Variants in PIGN observed in about 807,000 individuals in gnomAD.
PIGN encodes phosphatidylinositol glycan anchor biosynthesis class N, also known as GPI ethanolamine phosphate transferase 1.
In PIGN, 117 loss-of-function variants were observed where a neutral mutation model predicts 125.4. The ratio of observed to expected loss-of-function variants is 0.93; its 90% CI spans 0.80 to 1.09. The LOEUF (loss-of-function observed/expected upper bound fraction) is 1.09, where lower values mean the gene tolerates loss of function less well. Among genes scored for constraint, PIGN ranks in the 50% least tolerant of loss-of-function variants. The pLI is 0.00. For synonymous variants in PIGN, 392 were observed against 377.8 expected, an observed-to-expected ratio of 1.04 and a Z score of -0.44; for missense variants, 1,075 against 1,094.9, an observed-to-expected ratio of 0.98 and a Z score of 0.26.
At chr18:62,099,992 G>A (rs1472890327) in intron 22 of PIGN, among the ~76,000 whole-genome samples, 1 of 152,148 alleles carries the variant, frequency 6.6e-6, no homozygotes, top group Non-Finnish European at 1.5e-5. Flanking sequence ...AAAAGCTTCT[G>A]CATAGCAAAG....
chr18:62,143,457 C>A (rs1303580337), intron 10 of PIGN, 111 bp from the exon 11 acceptor site: 2 of 623,304 alleles, frequency 3.2e-6, no homozygotes, highest in Non-Finnish European at 5.7e-6. Context: ...TTAGAAATGT[C>A]TATTTTAAGC....
intron 23 of PIGN, among the ~76,000 whole-genome samples, chr18:62,031,796 T>G (rs1189489657): frequency 6.6e-6 from 1 of 152,170 alleles, no homozygotes; most frequent in Non-Finnish European, 1.5e-5. Flanking sequence ...ATCAGAGAAG[T>G]GAAAAATTTA....
rs11437076 is a variant in PIGN at position 62,072,729 on chromosome 18, TAA to T, written c.2620-6_2620-5del. On this transcript the variant is annotated splice_polypyrimidine_tract_variant and splice_region_variant and intron_variant, in intron 29 of 30. Transcript: ENST00000640252. ...CCTTGACCAAGAAGAAAAAATGCTG[TAA>T]AAAAAAAAAAAGGCTTAATGAAAAA... 1.5e-3 allele frequency: 2,151 copies of T among 1,405,862 alleles called. No homozygotes were observed. The highest frequency in any genetic ancestry group is 2.5e-3 in the South Asian group (182 of 74,088). The allele number at this position is 1,405,862 out of a possible 1,614,324, so 87.1% of individuals were successfully genotyped here. A position where few individuals can be genotyped will look rare whatever the true frequency, so the allele number is the denominator to read the frequency against.
chr18:62,147,636 T>C (rs1015127200), intron 8 of PIGN, among the ~76,000 whole-genome samples: 1 of 152,214 alleles, frequency 6.6e-6, no homozygotes, highest in African/African-American at 2.4e-5. Context: ...GCTAACCCAA[T>C]AGGCTTTACA....
intron 23 of PIGN, among the ~76,000 whole-genome samples, chr18:62,019,394 C>T (rs1253873506): frequency 6.6e-6 from 1 of 152,182 alleles, no homozygotes; most frequent in Non-Finnish European, 1.5e-5. Context: ...ACTTCTTAGA[C>T]TAACAAAACA....
At position 62,133,254 on chromosome 18, in the gene PIGN, T is replaced by C. The variant is rs539561613; in HGVS notation, c.1172+4989A>G. ...TTTTGCACTTACATTATTTGCAACT[T>C]AGGGATGTAACCCCATCATAAGTCA... On this transcript the variant is annotated intron_variant, in intron 14 of 30. Coordinates refer to ENST00000640252, the MANE Select transcript of PIGN (RefSeq NM_176787.5). 1.2e-4 allele frequency among the ~76,000 whole-genome samples: 19 copies of C among 152,316 alleles called. No homozygotes were observed. In the South Asian group the frequency reaches 3.5e-3, roughly 28 times the overall value.
intron 7 of PIGN, among the ~76,000 whole-genome samples, chr18:62,150,473 A>C (rs1171711264): frequency 6.6e-6 from 1 of 152,230 alleles, no homozygotes; most frequent in Non-Finnish European, 1.5e-5. Flanking sequence ...CAGAAGACCT[A>C]ATAGAGAAGA....
chr18:62,098,132 A>G (rs2034286798), intron 22 of PIGN, among the ~76,000 whole-genome samples: 1 of 152,252 alleles, frequency 6.6e-6, no homozygotes, highest in African/African-American at 2.4e-5. Context: ...TTCCCTGAGC[A>G]TAGTGCCTAG....
intron 30 of PIGN, among the ~76,000 whole-genome samples, chr18:62,066,127 C>G (rs1235217530): frequency 6.6e-6 from 1 of 152,192 alleles, no homozygotes; most frequent in Non-Finnish European, 1.5e-5. Flanking sequence ...ACAAGGCTTT[C>G]CTTTTAATTA....
At chr18:62,096,082 G>A (rs1219693286) in intron 22 of PIGN, 132 bp from the exon 23 acceptor site, 2 of 500,946 alleles carry the variant, frequency 4.0e-6, no homozygotes, top group African/African-American at 2.0e-5. Context: ...ATCACCTGAG[G>A]TCAGGAGTTC....
At chr18:62,034,456 A>G (rs1222175692) in intron 23 of PIGN, among the ~76,000 whole-genome samples, 1 of 152,164 alleles carries the variant, frequency 6.6e-6, no homozygotes, top group Non-Finnish European at 1.5e-5. Flanking sequence ...GTGCACCTGA[A>G]AAAGCCACAG....
chr18:62,160,996 C>A (rs1050465153), intron 4 of PIGN, 137 bp downstream of exon 4: 1 of 571,106 alleles, frequency 1.8e-6, no homozygotes. Context: ...AAGACAAAGG[C>A]AAATGTACAA....
At chr18:62,104,141 T>C (rs1022425411) in intron 20 of PIGN, among the ~76,000 whole-genome samples, 4 of 152,182 alleles carry the variant, frequency 2.6e-5, no homozygotes, top group Non-Finnish European at 4.4e-5. Context: ...GTTGCAAATA[T>C]AGCTAGTAGG....
chr18:62,079,955 T>C (rs2033369116), intron 28 of PIGN, among the ~76,000 whole-genome samples: 1 of 152,164 alleles, frequency 6.6e-6, no homozygotes, highest in Non-Finnish European at 1.5e-5. Context: ...ATTATAATAA[T>C]TCTGATTCAA....
chr18:62,019,519 G>C (rs964183459), intron 23 of PIGN, among the ~76,000 whole-genome samples: 1 of 152,192 alleles, frequency 6.6e-6, no homozygotes, highest in African/African-American at 2.4e-5. Context: ...CTGAAAACCA[G>C]AAATAAGACA....
intron 1 of PIGN, among the ~76,000 whole-genome samples, chr18:62,176,172 A>G (rs1311749869): frequency 6.6e-6 from 1 of 152,194 alleles, no homozygotes; most frequent in Non-Finnish European, 1.5e-5. Context: ...ATTATGTTAG[A>G]GAGAATTGCT....
At chr18:62,145,438 C>A (rs1266557012) in intron 10 of PIGN, among the ~76,000 whole-genome samples, 1 of 152,046 alleles carries the variant, frequency 6.6e-6, no homozygotes, top group African/African-American at 2.4e-5. Context: ...TTCATTAGGG[C>A]CTGGGGTTGA....
Position 62,150,746 on chromosome 18 carries a change from C to T in PIGN, c.550-2408G>A, listed in dbSNP as rs575271256. 4.6e-5 allele frequency among the ~76,000 whole-genome samples: 7 copies of T among 152,222 alleles called. No individual in the cohort carries two copies. The East Asian group carries it at 1.2e-3, about 25-fold the overall frequency. ...GACGGAGTCTCACTCTGTCGCCAGGCTGGAGTGCAATGGCGCAATCTCGGC... is the reference window on the plus strand; with the variant it reads ...GACGGAGTCTCACTCTGTCGCCAGGTTGGAGTGCAATGGCGCAATCTCGGC... On this transcript the variant is annotated intron_variant, in intron 7 of 30. Transcript: ENST00000640252.
chr18:62,163,468 C>G (rs1158145677), intron 2 of PIGN, 63 bp downstream of exon 2: 1 of 152,088 alleles, frequency 6.6e-6, no homozygotes, highest in African/African-American at 2.4e-5. Flanking sequence ...GTTGGGTCAA[C>G]TACTTAAAAT....
Sources: gnomAD v4.1 joint callset for allele counts (sites outside exome capture counted in the v4.1 genomes callset) on GRCh38, gnomAD v4.1.1 for gene constraint, MANE v1.5 for transcripts, NCBI Gene and HGNC (gene_info 2026-07-23, HGNC 2026-07-21) for gene names.